FMN1: variants seen among roughly 807,000 people sequenced by gnomAD.
FMN1 encodes formin 1, also known as formin-1.
In FMN1, 110 loss-of-function variants were observed where a neutral mutation model predicts 132.4. That is an observed-to-expected ratio of 0.83 (90% confidence interval 0.71 to 0.97). The LOEUF is 0.97. Among genes scored for constraint, FMN1 ranks in the 50% least tolerant of loss-of-function variants. FMN1 has a pLI of 0.00. For missense variants in FMN1, 1,792 were observed against 1,705.3 expected (o/e 1.05, Z -0.90); for synonymous variants, 722 against 651.7 (o/e 1.11, Z -1.64).
rs1215733581 is a variant in FMN1, at chr15:32,895,215, A to G, written c.3714+3619T>C. Among the ~76,000 whole-genome samples the G allele has an allele frequency of 2.6e-5, 4 of 152,124 alleles. No individual in the cohort carries two copies. In the East Asian group the frequency reaches 7.7e-4, roughly 29 times the overall value. On this transcript the variant is annotated intron_variant, in intron 15 of 20. Transcript: ENST00000616417. ...CTTGCTTATGATCCTGAGATTCATG[A>G]GTGTGATGGATTGGGTGTTCGTATG... is the stretch of plus-strand genomic sequence containing the variant.
chr15:33,192,384 G>T (rs1966110558), intron 2 of FMN1, among the ~76,000 whole-genome samples: 1 of 152,178 alleles, frequency 6.6e-6, no homozygotes, highest in Non-Finnish European at 1.5e-5. Flanking sequence ...ACAATCATAG[G>T]TCCTATGGGA....
intron 6 of FMN1, among the ~76,000 whole-genome samples, chr15:33,020,595 G>A (rs189625369): frequency 4.0e-5 from 6 of 149,174 alleles, no homozygotes; most frequent in South Asian, 4.3e-4. Flanking sequence ...TTGAGGTCAC[G>A]CCATTGCACT....
At chr15:33,076,336 G>A (rs1462004866) in intron 5 of FMN1, among the ~76,000 whole-genome samples, 1 of 152,202 alleles carries the variant, frequency 6.6e-6, no homozygotes, top group Non-Finnish European at 1.5e-5. Flanking sequence ...TATGCCTGTT[G>A]CCTATATTCC....
intron 6 of FMN1, among the ~76,000 whole-genome samples, chr15:33,020,376 G>C (rs1020405355): frequency 3.4e-5 from 5 of 148,964 alleles, no homozygotes; most frequent in African/African-American, 1.2e-4. Flanking sequence ...GGCCAGGCGC[G>C]GTGGCTCATG....
intron 9 of FMN1, among the ~76,000 whole-genome samples, chr15:32,941,693 T>C (rs1342188729): frequency 6.6e-6 from 1 of 152,180 alleles, no homozygotes. Flanking sequence ...TGAACTATTT[T>C]ACCTGATGTT....
rs1033233225 is a variant in FMN1 at position 32,929,442 on chromosome 15, G to A, written c.3139-3181C>T. Among the ~76,000 whole-genome samples the A allele has an allele frequency of 7.2e-5, 11 of 152,036 alleles. No individual in the cohort carries two copies. In the East Asian group the frequency reaches 1.9e-3, roughly 27 times the overall value. On this transcript the variant is annotated intron_variant, in intron 9 of 20. Coordinates refer to ENST00000616417, the MANE Select transcript of FMN1 (RefSeq NM_001277313.2). The stretch of plus-strand genomic sequence containing the variant: ...ATTTCTCTTTATTTTTATGAAAAGT[G>A]CACAACATGAAATGTATCCTATTAA...
intron 4 of FMN1, among the ~76,000 whole-genome samples, chr15:33,100,545 G>A (rs539130211): frequency 2.6e-5 from 4 of 152,258 alleles, no homozygotes; most frequent in South Asian, 4.1e-4. Context: ...TGGGGAGAGG[G>A]AAAAAGAGGA....
At chr15:32,992,035 G>A (rs760800384) in intron 7 of FMN1, among the ~76,000 whole-genome samples, 24 of 152,110 alleles carry the variant, frequency 1.6e-4, no homozygotes, top group Admixed American at 1.5e-3. Flanking sequence ...TTGATCCTGC[G>A]TACTCACATA....
At chr15:33,127,852 G>GAAGTGAGAC (rs1447672287) in intron 4 of FMN1, among the ~76,000 whole-genome samples, 2 of 152,212 alleles carry the variant, frequency 1.3e-5, no homozygotes, top group Non-Finnish European at 2.9e-5. Flanking sequence ...TGGTAAGAGA[G>GAAGTGAGAC]AAGTGAGACA....
intron 7 of FMN1, among the ~76,000 whole-genome samples, chr15:32,980,534 T>C (rs529575232): frequency 2.0e-5 from 3 of 152,306 alleles, no homozygotes; most frequent in Admixed American, 6.5e-5. Context: ...AACTGTACAG[T>C]ATTATGCCAA....
At position 33,085,556 on chromosome 15, in the gene FMN1, C is replaced by T. The variant is rs976567102; in HGVS notation, c.2043+3243G>A. Reference sequence around the variant, plus strand: ...TATTTATACATATATTAAAATTATACATATATACATATGCATAATTTATAT... The same window carrying T: ...TATTTATACATATATTAAAATTATATATATATACATATGCATAATTTATAT... On this transcript the variant is annotated intron_variant, in intron 5 of 20. Coordinates refer to ENST00000616417, the MANE Select transcript of FMN1 (RefSeq NM_001277313.2). Among the ~76,000 whole-genome samples, 17 of 148,698 alleles carry T rather than the reference C, an allele frequency of 1.1e-4. No homozygotes were observed. In the East Asian group the frequency reaches 2.9e-3, roughly 26 times the overall value.
chr15:32,811,019 A>C (rs2057858194), intron 17 of FMN1: 1 of 456,330 alleles, frequency 2.2e-6, no homozygotes, highest in African/African-American at 2.0e-5. Context: ...ATCGTTTTCC[A>C]TTTCTTAGAA....
intron 9 of FMN1, among the ~76,000 whole-genome samples, chr15:32,926,720 T>A (rs1040739653): frequency 6.6e-6 from 1 of 152,222 alleles, no homozygotes; most frequent in African/African-American, 2.4e-5. Flanking sequence ...CCACCAGTGA[T>A]ATGGCCTTGG....
intron 6 of FMN1, among the ~76,000 whole-genome samples, chr15:33,051,708 C>T (rs2036981907): frequency 1.3e-5 from 2 of 152,140 alleles, no homozygotes; most frequent in Admixed American, 1.3e-4. Context: ...AAAAATGCCT[C>T]AAGTGAGCAC....
intron 17 of FMN1, among the ~76,000 whole-genome samples, chr15:32,848,650 G>C (rs1285643643): frequency 6.6e-6 from 1 of 152,126 alleles, no homozygotes; most frequent in East Asian, 1.9e-4. Context: ...GTATAATGAT[G>C]GAGAAGCAAT....
At chr15:32,798,340 G>A (rs1224521090) in intron 19 of FMN1, among the ~76,000 whole-genome samples, 1 of 152,164 alleles carries the variant, frequency 6.6e-6, no homozygotes, top group Non-Finnish European at 1.5e-5. Context: ...CAGAAGTGGC[G>A]CTGTAAATCC....
intron 17 of FMN1, among the ~76,000 whole-genome samples, chr15:32,831,537 A>G (rs2058501384): frequency 6.6e-6 from 1 of 152,148 alleles, no homozygotes; most frequent in Non-Finnish European, 1.5e-5. Flanking sequence ...AGGGCTTTGC[A>G]GAGGCTGCAG....
chr15:32,996,048 T>TA (rs1251752953), intron 7 of FMN1, among the ~76,000 whole-genome samples: 2 of 152,200 alleles, frequency 1.3e-5, no homozygotes, highest in Non-Finnish European at 2.9e-5. Flanking sequence ...GCCACAGACT[T>TA]AGAGTAAACT....
At chr15:33,090,467 G>A (rs1595449505) in intron 4 of FMN1, among the ~76,000 whole-genome samples, 3 of 152,108 alleles carry the variant, frequency 2.0e-5, no homozygotes, top group Non-Finnish European at 2.9e-5. Flanking sequence ...AATGATGCAG[G>A]TCACAGTGTG....
Sources: gnomAD v4.1 joint callset for allele counts (sites outside exome capture counted in the v4.1 genomes callset) on GRCh38, gnomAD v4.1.1 for gene constraint, MANE v1.5 for transcripts, NCBI Gene and HGNC (gene_info 2026-07-23, HGNC 2026-07-21) for gene names.